ISM2: variants seen among roughly 807,000 people sequenced by gnomAD.
ISM2 encodes the protein isthmin-2.
ISM2 carries 50 observed loss-of-function variants against 58.0 expected under a neutral mutation model. The observed-to-expected ratio is 0.86, with a 90% CI of 0.69 to 1.09. ISM2 has a LOEUF of 1.09. Ranked by LOEUF, ISM2 falls within the 50% of genes least tolerant of loss-of-function variation. The probability of loss-of-function intolerance (pLI) is 0.00; values close to 1 mark genes in which losing one functional copy is unlikely to be tolerated. For synonymous variants in ISM2, 303 were observed against 312.4 expected (o/e 0.97, Z 0.32); for missense variants, 723 against 745.0 (o/e 0.97, Z 0.34).
At position 77,493,791 on chromosome 14, in the gene ISM2, A is replaced by C. The variant is rs1260399260; in HGVS notation, c.141+4862T>G. ...GATTCTTTTCTTTTCTTTTTTTCTG[A>C]GATGGAGTCTCGCTCTGTCGCTCAG... On this transcript the variant is annotated intron_variant, in intron 1 of 6. Coordinates refer to ENST00000342219, the MANE Select transcript of ISM2 (RefSeq NM_199296.3). Among the ~76,000 whole-genome samples the C allele has an allele frequency of 2.7e-5, 4 of 149,212 alleles. No homozygotes were observed. In the Admixed American group the frequency reaches 2.7e-4, roughly 10 times the overall value.
intron 1 of ISM2, chr14:77,498,238 C>G: frequency 1.5e-6 from 2 of 1,293,636 alleles, no homozygotes; most frequent in Non-Finnish European, 2.0e-6. Flanking sequence ...CCGTTTGAAC[C>G]TCAGCGGCCC....
chr14:77,486,561 C>T (rs1465020818), intron 1 of ISM2, among the ~76,000 whole-genome samples: 2 of 152,204 alleles, frequency 1.3e-5, no homozygotes, highest in African/African-American at 4.8e-5. Flanking sequence ...TGCTGGCTTC[C>T]TAGCAGCTCC....
At chr14:77,489,317 C>T (rs977633067) in intron 1 of ISM2, among the ~76,000 whole-genome samples, 1 of 152,216 alleles carries the variant, frequency 6.6e-6, no homozygotes, top group Non-Finnish European at 1.5e-5. Context: ...CAGAGCCAGG[C>T]TGCACACTAA....
At position 77,475,852 on chromosome 14, in the gene ISM2, G is replaced by A; in HGVS notation, c.1459C>T (p.Leu487=). Residue 487 remains leucine, a synonymous_variant, in exon 7 of 7, where the codon CTG becomes TTG. Coordinates refer to ENST00000342219, the MANE Select transcript of ISM2 (RefSeq NM_199296.3). This position sits in a 1 kb window ranked among gnomAD's most constrained non-coding sequence, Gnocchi z 4.1. ...TCATAGCAGCAGTGCTGGGCGGCCA[G>A]TGTGCTGCTCTCCCCAGACAGCATG... is the stretch of plus-strand genomic sequence containing the variant. ...RSMLSGESST[L]AAQHCCYDED... is the part of the protein sequence containing the mutation. The A allele has an allele frequency of 1.2e-6, 2 of 1,610,124 alleles. No individual in the cohort carries two copies. The highest frequency in any genetic ancestry group is 1.7e-6 in the Non-Finnish European group (2 of 1,179,844).
At chr14:77,493,136 C>T (rs1339549267) in intron 1 of ISM2, among the ~76,000 whole-genome samples, 3 of 152,120 alleles carry the variant, frequency 2.0e-5, no homozygotes, top group African/African-American at 4.8e-5. Flanking sequence ...GCTGGGATTA[C>T]AGGTGCATGC....
chr14:77,486,688 G>A (rs2079169871), intron 1 of ISM2, among the ~76,000 whole-genome samples: 1 of 152,204 alleles, frequency 6.6e-6, no homozygotes, highest in East Asian at 1.9e-4. Flanking sequence ...GTTCAGGGCT[G>A]TGCAGCCTTT....
At chr14:77,498,152 T>C in intron 1 of ISM2, 1 of 836,106 alleles carries the variant, frequency 1.2e-6, no homozygotes, top group Non-Finnish European at 1.6e-6. Flanking sequence ...AGAGCCAGTC[T>C]CAGGCTGGCC....
intron 4 of ISM2, among the ~76,000 whole-genome samples, chr14:77,481,258 C>T (rs950222608): frequency 1.6e-4 from 24 of 151,476 alleles, no homozygotes; most frequent in African/African-American, 4.9e-4. Context: ...GAGAATCGTC[C>T]GAACCTGGGA....
At chr14:77,479,565 G>C (rs1465607704) in intron 4 of ISM2, among the ~76,000 whole-genome samples, 1 of 152,084 alleles carries the variant, frequency 6.6e-6, no homozygotes, top group Non-Finnish European at 1.5e-5. Flanking sequence ...TGTATTTTTA[G>C]TAGAGACAGT....
At chr14:77,479,385 ATT>A (rs1182524391) in intron 4 of ISM2, among the ~76,000 whole-genome samples, 4 of 118,686 alleles carry the variant, frequency 3.4e-5, no homozygotes, top group Non-Finnish European at 1.7e-5. Flanking sequence ...TGCCTGGCTA[ATT>A]TTTTTTTTTT....
Position 77,475,597 on chromosome 14 carries a change from A to C in ISM2, c.1714T>G (p.Ter572GluextTer1). ...GTGTCTGTTCAGCAACCCCGTCACTAGTACTCCTTGGCCTCCTGCAACTGT... is the reference window on the plus strand; with the variant it reads ...GTGTCTGTTCAGCAACCCCGTCACTCGTACTCCTTGGCCTCCTGCAACTGT... ...LAQLQEAKEY[*>E] is the part of the protein sequence containing the mutation. The change falls in exon 7 of 7, where the codon TAG (stop) becomes GAG (glutamate). Residue 572 changes from the stop codon to glutamate (E), a stop_lost. Coordinates refer to ENST00000342219, the MANE Select transcript of ISM2 (RefSeq NM_199296.3). This position sits in a 1 kb window ranked among gnomAD's most constrained non-coding sequence, Gnocchi z 4.1. 6.4e-7 allele frequency: 1 copy of C among 1,566,284 alleles called. No individual in the cohort carries two copies. Among genetic ancestry groups the C allele is most frequent in the Non-Finnish European group, 8.7e-7 (1 of 1,154,140 alleles).
rs567644733 is a variant in ISM2 at position 77,479,521 on chromosome 14, T to A, written c.974-806A>T. Among the ~76,000 whole-genome samples the A allele has an allele frequency of 9.5e-4, 145 of 152,142 alleles. 1 individual carries two copies. The highest frequency in any genetic ancestry group is 3.2e-3 in the African/African-American group (133 of 41,508). ...GCCTCAGCCTCCTGGGTAGCTGGGA[T>A]TACAGGTGCCCGCCACCACACCCAG... On this transcript the variant is annotated intron_variant, in intron 4 of 6. Transcript: ENST00000342219.
intron 1 of ISM2, among the ~76,000 whole-genome samples, chr14:77,490,924 T>TGCAGGAGAAGGCTA (rs1160988011): frequency 6.6e-6 from 1 of 152,230 alleles, no homozygotes; most frequent in Non-Finnish European, 1.5e-5. Flanking sequence ...GGTGGCCAGC[T>TGCAGGAGAAGGCTA]GCAGGAGAAG....
At chr14:77,485,765 C>A (rs755485070) in intron 1 of ISM2, among the ~76,000 whole-genome samples, 7 of 152,180 alleles carry the variant, frequency 4.6e-5, no homozygotes, top group Non-Finnish European at 8.8e-5. Flanking sequence ...ACCTGTGGAC[C>A]CTGCTTCACT....
Position 77,478,699 on chromosome 14 carries a change from CT to C in ISM2, c.989del (p.Lys330ArgfsTer79). On this transcript the variant is annotated frameshift_variant, in exon 5 of 7. Transcript: ENST00000342219. LOFTEE classifies it high-confidence loss of function. ...TGCAGGGAGACCAGGGACTCCACTCCTTCTGAGGCTCATAGTCTGGGTTAAG... is the reference window on the plus strand; with the variant it reads ...TGCAGGGAGACCAGGGACTCCACTCCTCTGAGGCTCATAGTCTGGGTTAAG... ...DSVSYDYEPQ[K>X]EWSPWSPCSG... 1 of 1,612,686 alleles carries C rather than the reference CT, an allele frequency of 6.2e-7. No homozygotes were observed. The highest frequency in any genetic ancestry group is 8.5e-7 in the Non-Finnish European group (1 of 1,178,836).
intron 1 of ISM2, among the ~76,000 whole-genome samples, chr14:77,494,399 A>AT (rs1485989052): frequency 3.3e-5 from 5 of 150,978 alleles, no homozygotes; most frequent in Non-Finnish European, 7.4e-5. Context: ...TTATTTTTCA[A>AT]TTTTTTTTAA....
chr14:77,482,710 A>G (rs1195545411), intron 3 of ISM2, 43 bp from the exon 4 acceptor site: 2 of 1,263,148 alleles, frequency 1.6e-6, no homozygotes, highest in African/African-American at 3.0e-5. Flanking sequence ...GAGGTCTTAG[A>G]GCTGCATTCC....
intron 6 of ISM2, among the ~76,000 whole-genome samples, chr14:77,476,391 G>A (rs1202958050): frequency 6.6e-6 from 1 of 152,250 alleles, no homozygotes; most frequent in Non-Finnish European, 1.5e-5. Flanking sequence ...CTGAATGGTG[G>A]GAAAGGTTTA....
Position 77,476,040 on chromosome 14 carries a change from C to T in ISM2, c.1271G>A (p.Arg424Gln), listed in dbSNP as rs530646959. The T allele has an allele frequency of 8.3e-6, 13 of 1,560,322 alleles. No individual in the cohort carries two copies. Among genetic ancestry groups the T allele is most frequent in the East Asian group, 6.8e-5 (3 of 44,366 alleles). Residue 424 changes from arginine (R) to glutamine (Q), a missense_variant, in exon 7 of 7, where the codon CGG becomes CAG. By Grantham distance (43) the Arg-to-Gln change is conservative (BLOSUM62 1). Transcript: ENST00000342219. The part of the protein sequence containing the change: ...FLIKYLSQML[R>Q]DLPSCPCAYP... The stretch of plus-strand genomic sequence containing the variant: ...GGCACACGGGCAGCTGGGCAGGTCC[C>T]GCAGCATCTGGCTCAGATACTTGAT...
Sources: gnomAD v4.1 joint callset for allele counts (sites outside exome capture counted in the v4.1 genomes callset) on GRCh38, gnomAD v4.1.1 for gene constraint, Gnocchi (gnomAD v3.1) non-coding constraint, MANE v1.5 for transcripts, NCBI Gene and HGNC (gene_info 2026-07-23, HGNC 2026-07-21) for gene names.